Variants in KCTD20 observed in about 807,000 individuals in gnomAD.
KCTD20 encodes potassium channel tetramerization domain containing 20.
Under a neutral mutation model 39.6 loss-of-function variants are expected in KCTD20, and 30 were observed. The ratio of observed to expected loss-of-function variants is 0.76; its 90% CI spans 0.57 to 1.03. The LOEUF (loss-of-function observed/expected upper bound fraction) is 1.03, where lower values mean the gene tolerates loss of function less well. Ranked by LOEUF, KCTD20 falls within the 50% of genes least tolerant of loss-of-function variation. KCTD20 has a pLI of 0.00. For synonymous variants in KCTD20, 162 were observed against 180.6 expected, an observed-to-expected ratio of 0.90 and a Z score of 0.83; for missense variants, 422 against 522.0, an observed-to-expected ratio of 0.81 and a Z score of 1.87.
chr6:36,473,066 A>ATT (rs147838259), intron 2 of KCTD20, among the ~76,000 whole-genome samples: 107 of 141,250 alleles, frequency 7.6e-4, no homozygotes, highest in Middle Eastern at 7.4e-3. Context: ...CTTCTGGCTA[A>ATT]TTTTTTTTTT....
At chr6:36,472,210 A>G (rs1275243334) in intron 2 of KCTD20, among the ~76,000 whole-genome samples, 1 of 152,206 alleles carries the variant, frequency 6.6e-6, no homozygotes, top group Non-Finnish European at 1.5e-5. Flanking sequence ...CTGGTGATCA[A>G]AGTGGGTTGC....
At chr6:36,465,958 A>G (rs1775740206) in intron 1 of KCTD20, among the ~76,000 whole-genome samples, 1 of 152,220 alleles carries the variant, frequency 6.6e-6, no homozygotes, top group African/African-American at 2.4e-5. Context: ...TTAAGCTATA[A>G]CAGGGTGGTG....
rs557454816 is a variant in KCTD20, at chr6:36,479,939, C to A, written c.658+228C>A. Among the ~76,000 whole-genome samples, 7 of 151,974 alleles carry A rather than the reference C, an allele frequency of 4.6e-5. 1 individual carries two copies. The South Asian group carries it at 1.5e-3, about 32-fold the overall frequency. ...TCCCAAGTAGCTGGGATTACACATACCTGCCACCACACCTGGCTAATTTTT... is the reference window on the plus strand; with the variant it reads ...TCCCAAGTAGCTGGGATTACACATAACTGCCACCACACCTGGCTAATTTTT... On this transcript the variant is annotated intron_variant, in intron 5 of 7. Coordinates refer to ENST00000373731, the MANE Select transcript of KCTD20 (RefSeq NM_173562.5).
chr6:36,450,163 TAAAAAAAAAAAAAA>T (rs576681021), intron 1 of KCTD20, among the ~76,000 whole-genome samples: 15 of 105,848 alleles, frequency 1.4e-4, no homozygotes, highest in Non-Finnish European at 1.9e-4. Context: ...GACTCCGTCC[TAAAAAAAAAAAAAA>T]AAAAAAAAAA....
chr6:36,486,940 T>C lies in KCTD20; in HGVS notation c.1025T>C (p.Ile342Thr). ...KRRPGGRSEVIYNYVQRPFIQ... is the reference protein window; with the variant it reads ...KRRPGGRSEVTYNYVQRPFIQ... ...AGGCCTGGCGGCCGGTCTGAAGTCA[T>C]CTATAATTATGTACAACGCCCCTTC... is the stretch of plus-strand genomic sequence containing the variant. The change falls in exon 8 of 8, where the codon ATC (isoleucine) becomes ACC (threonine). Residue 342 changes from isoleucine to threonine, a missense_variant. By Grantham distance (89) the Ile-to-Thr change is moderately conservative. Coordinates refer to ENST00000373731, the MANE Select transcript of KCTD20 (RefSeq NM_173562.5). 5.0e-6 allele frequency: 8 copies of C among 1,614,128 alleles called. No homozygotes were observed. Among genetic ancestry groups the C allele is most frequent in the Non-Finnish European group, 6.8e-6 (8 of 1,179,998 alleles).
chr6:36,445,199 T>C (rs1437667458), intron 1 of KCTD20, among the ~76,000 whole-genome samples: 1 of 149,134 alleles, frequency 6.7e-6, no homozygotes, highest in African/African-American at 2.5e-5. Context: ...GAGGCAGAGG[T>C]TGCAGTGAGC....
At position 36,484,842 on chromosome 6, in the gene KCTD20, ATCCCAGTC is replaced by A; in HGVS notation, c.967+19_967+26del. ...AATTGAAGGTAAAAAAAAAAAAAAAATCCCAGTCAACATTCAGGTTGGGTCTATTGCCA... is the reference window on the plus strand; with the variant it reads ...AATTGAAGGTAAAAAAAAAAAAAAAAAACATTCAGGTTGGGTCTATTGCCA... On this transcript the variant is annotated intron_variant, in intron 7 of 7. Transcript: ENST00000373731. 1.6e-5 allele frequency: 21 copies of A among 1,291,726 alleles called. No individual in the cohort carries two copies. The highest frequency in any genetic ancestry group is 2.0e-5 in the Non-Finnish European group (18 of 897,246). 80.0% of individuals were successfully genotyped at this position (1,291,726 alleles called of 1,614,324 possible).
intron 1 of KCTD20, chr6:36,451,537 G>A (rs1218053360): frequency 6.6e-6 from 1 of 152,196 alleles, no homozygotes; most frequent in Admixed American, 6.5e-5. Context: ...CACCCAGGAT[G>A]AGGTGTAGTG....
chr6:36,478,102 A>AAAAAAAAG (rs1343001151), intron 3 of KCTD20, among the ~76,000 whole-genome samples: 1 of 84,852 alleles, frequency 1.2e-5, no homozygotes, highest in African/African-American at 5.1e-5. Flanking sequence ...CTCAAAAAAA[A>AAAAAAAAG]AAAGAAAAGA....
chr6:36,470,808 CCAAGGCTGGCAAGCCT>C (rs1775889080), intron 2 of KCTD20, among the ~76,000 whole-genome samples: 1 of 152,058 alleles, frequency 6.6e-6, no homozygotes, highest in Non-Finnish European at 1.5e-5. Context: ...CACTATTTTG[CCAAGGCTGGCAAGCCT>C]CACTTTCTTA....
chr6:36,456,237 G>A (rs1397702589), intron 1 of KCTD20, among the ~76,000 whole-genome samples: 1 of 152,154 alleles, frequency 6.6e-6, no homozygotes, highest in African/African-American at 2.4e-5. Context: ...CAGGAGGATT[G>A]CTTGAGACCA....
chr6:36,476,449 A>G (rs1776067859), intron 3 of KCTD20, among the ~76,000 whole-genome samples: 1 of 145,600 alleles, frequency 6.9e-6, no homozygotes, highest in African/African-American at 2.5e-5. Context: ...TTTTTTTTTA[A>G]GACAGAGTCT....
intron 2 of KCTD20, 93 bp from the exon 3 acceptor site, chr6:36,474,696 T>A: frequency 8.1e-7 from 1 of 1,230,564 alleles, no homozygotes; most frequent in South Asian, 1.8e-5. Context: ...GGGGGTTTTT[T>A]GTTTGTTTAC....
intron 6 of KCTD20, among the ~76,000 whole-genome samples, chr6:36,483,659 G>A (rs925834597): frequency 2.6e-5 from 4 of 152,030 alleles, no homozygotes; most frequent in African/African-American, 7.2e-5. Flanking sequence ...GGCTGCAGGT[G>A]TGTGCCACCA....
chr6:36,471,958 C>T (rs960137556), intron 2 of KCTD20, among the ~76,000 whole-genome samples: 2 of 151,952 alleles, frequency 1.3e-5, no homozygotes, highest in Non-Finnish European at 2.9e-5. Flanking sequence ...ACGCTATTCT[C>T]CTGCCTCAGC....
At chr6:36,463,285 T>G (rs1194698047) in intron 1 of KCTD20, among the ~76,000 whole-genome samples, 1 of 152,202 alleles carries the variant, frequency 6.6e-6, no homozygotes, top group Non-Finnish European at 1.5e-5. Flanking sequence ...TGGAGTATTA[T>G]GCAGACATAA....
chr6:36,481,419 G>A (rs1016886780), intron 5 of KCTD20, 143 bp from the exon 6 acceptor site: 17 of 649,900 alleles, frequency 2.6e-5, no homozygotes, highest in Non-Finnish European at 4.7e-5. Context: ...TCACCCTGGA[G>A]CAGGAAACAA....
In KCTD20 at chr6:36,487,139, A is replaced by G; in HGVS notation, c.1224A>G (p.Pro408=). Residue 408 remains proline (P), a synonymous_variant, in exon 8 of 8, where the codon CCA becomes CCG. Transcript: ENST00000373731. ...ATGAACTTGACCGGCTAAATGCCCC[A>G]CTTTCTCAGATGGCTTCTAACGACT... ...QVDELDRLNA[P]LSQMASNDFQ... The G allele has an allele frequency of 6.2e-7, 1 of 1,613,960 alleles. No individual in the cohort carries two copies. Among genetic ancestry groups the G allele is most frequent in the East Asian group, 2.2e-5 (1 of 44,884 alleles).
Position 36,470,071 on chromosome 6 carries a change from G to GGACA in KCTD20, c.-25_-22dup, listed in dbSNP as rs770992266. On this transcript the variant is annotated 5_prime_UTR_variant, in exon 2 of 8. Transcript: ENST00000373731. ...TTCCAGGATTTCTCTCTGATCAAACGGACAGTTCAGGACTCAGAATCTAAG... is the reference window on the plus strand; with the variant it reads ...TTCCAGGATTTCTCTCTGATCAAACGGACAGACAGTTCAGGACTCAGAATCTAAG... 2.6e-6 allele frequency: 4 copies of GGACA among 1,550,344 alleles called. No individual in the cohort carries two copies. In the African/African-American group the frequency reaches 5.5e-5, roughly 21 times the overall value.
Sources: allele counts gnomAD v4.1 joint callset (sites outside exome capture counted in the v4.1 genomes callset), GRCh38; gene constraint gnomAD v4.1.1; transcripts MANE v1.5; gene names NCBI Gene and HGNC (gene_info 2026-07-23, HGNC 2026-07-21).